The following ADGRF3 variants were observed in gnomAD, a reference collection of about 807,000 sequenced individuals.
The protein encoded by ADGRF3 is G protein-coupled receptor 113.
In ADGRF3, 85 loss-of-function variants were observed where a neutral mutation model predicts 93.2. That is an observed-to-expected ratio of 0.91 (90% CI 0.77 to 1.09). The LOEUF is 1.09. Among genes scored for constraint, ADGRF3 ranks in the 50% least tolerant of loss-of-function variants. The pLI, the probability that ADGRF3 is intolerant of heterozygous loss-of-function variation, is 0.00. For missense variants in ADGRF3, 1,125 were observed against 1,246.2 expected, an observed-to-expected ratio of 0.90 and a Z score of 1.46; for synonymous variants, 534 against 532.5, an observed-to-expected ratio of 1.00 and a Z score of -0.04.
In ADGRF3 at chr2:26,309,347, T is replaced by G. The variant is rs1673828251; in HGVS notation, c.2993+179A>C. The G allele has an allele frequency of 2.0e-6, 3 of 1,479,312 alleles. No individual in the cohort carries two copies. The Admixed American group carries it at 7.1e-5, about 35-fold the overall frequency. The allele number at this position is 1,479,312 out of a possible 1,614,324, so 91.6% of individuals were successfully genotyped here. A position where few individuals can be genotyped will look rare whatever the true frequency, so the allele number is the denominator to read the frequency against. The stretch of plus-strand genomic sequence containing the variant: ...TGCTATGCTTTCTGCTCTCTGACAT[T>G]TCCACCGTCTCCCAGCCATCTAGCA... On this transcript the variant is annotated intron_variant, in intron 13 of 13. Transcript: ENST00000651242.
chr2:26,325,682 A>G (rs1385490450), intron 1 of ADGRF3, among the ~76,000 whole-genome samples: 1 of 152,242 alleles, frequency 6.6e-6, no homozygotes, highest in Non-Finnish European at 1.5e-5. Context: ...AGACCAGGAC[A>G]TTAGAGTGGA....
In ADGRF3 at chr2:26,313,086, C is replaced by T; in HGVS notation, c.1306G>A (p.Val436Met). 6.2e-7 allele frequency: 1 copy of T among 1,613,990 alleles called. No homozygotes were observed. The highest frequency in any genetic ancestry group is 8.5e-7 in the Non-Finnish European group (1 of 1,179,890). ...QAGQGSPAEE[V>M]PQILAQLPGQ... ...GGCAGCTGTGCCAGGATCTGTGGCA[C>T]CTCCTCAGCAGGACTGCCCTGGCCT... The change falls in exon 9 of 14, where the codon GTG (valine) becomes ATG (methionine). Residue 436 changes from valine (V) to methionine (M), a missense_variant. Coordinates refer to ENST00000651242, the MANE Select transcript of ADGRF3 (RefSeq NM_001321971.2).
At chr2:26,331,935 C>T (rs1212217847) in intron 1 of ADGRF3, among the ~76,000 whole-genome samples, 1 of 151,920 alleles carries the variant, frequency 6.6e-6, no homozygotes, top group Non-Finnish European at 1.5e-5. Flanking sequence ...TCTATTTAGT[C>T]CACTTTTTCT....
intron 12 of ADGRF3, 116 bp from the exon 13 acceptor site, chr2:26,309,697 A>T (rs1673877293): frequency 7.1e-7 from 1 of 1,415,316 alleles, no homozygotes; most frequent in African/African-American, 1.4e-5. Flanking sequence ...TGCTGCAGGA[A>T]TCCTAGAAAT....
In ADGRF3 at chr2:26,346,267, T is replaced by G. The variant is rs1171575556; in HGVS notation, c.-33A>C. Reference sequence around the variant, plus strand: ...TACGAATACGTGAGCCCGGAGCAGCTGGCTGGCTTTGATAAGTACAAGGTA... The same window carrying G: ...TACGAATACGTGAGCCCGGAGCAGCGGGCTGGCTTTGATAAGTACAAGGTA... On this transcript the variant is annotated 5_prime_UTR_variant, in exon 1 of 14. Transcript: ENST00000651242. 1.4e-5 allele frequency: 23 copies of G among 1,613,460 alleles called. No homozygotes were observed. The highest frequency in any genetic ancestry group is 1.9e-5 in the Non-Finnish European group (22 of 1,179,596).
chr2:26,330,168 G>A (rs866450820), intron 1 of ADGRF3, among the ~76,000 whole-genome samples: 3 of 152,078 alleles, frequency 2.0e-5, no homozygotes, highest in Admixed American at 6.6e-5. Context: ...AAACCTTTAC[G>A]GTGCTATTCA....
intron 1 of ADGRF3, among the ~76,000 whole-genome samples, chr2:26,328,030 G>C (rs573922260): frequency 6.6e-6 from 1 of 152,244 alleles, no homozygotes; most frequent in East Asian, 1.9e-4. Context: ...CATTATATTA[G>C]GAATGGGATT....
intron 1 of ADGRF3, among the ~76,000 whole-genome samples, chr2:26,331,442 C>T (rs1249154264): frequency 6.6e-6 from 1 of 152,138 alleles, no homozygotes; most frequent in Non-Finnish European, 1.5e-5. Flanking sequence ...CCCAGCTACT[C>T]AGGAGGCTGA....
chr2:26,339,182 C>T lies in ADGRF3; in HGVS notation c.114+6939G>A, dbSNP rs189435152. Among the ~76,000 whole-genome samples the T allele has an allele frequency of 7.0e-4, 101 of 143,844 alleles. No homozygotes were observed. The Middle Eastern group carries it at 0.016, about 23-fold the overall frequency. 94.4% of individuals were successfully genotyped at this position (143,844 alleles called of 152,430 possible). On this transcript the variant is annotated intron_variant, in intron 1 of 13. Coordinates refer to ENST00000651242, the MANE Select transcript of ADGRF3 (RefSeq NM_001321971.2). ...GAAAATGAAGTTGTTACTTTTGTAA[C>T]TGGGTCCCTTAACTTCAAAATGCAT...
intron 1 of ADGRF3, chr2:26,317,890 G>T (rs1353564625): frequency 2.5e-6 from 2 of 791,882 alleles, no homozygotes; most frequent in African/African-American, 3.4e-5. Flanking sequence ...AGCGGAGCTG[G>T]ACATTGCTGG....
At chr2:26,342,387 C>T (rs541572676) in intron 1 of ADGRF3, among the ~76,000 whole-genome samples, 1 of 152,212 alleles carries the variant, frequency 6.6e-6, no homozygotes, top group East Asian at 1.9e-4. Flanking sequence ...CTTTGGAAGA[C>T]CCTGCCCATT....
chr2:26,344,311 T>C (rs1676568946), intron 1 of ADGRF3, among the ~76,000 whole-genome samples: 2 of 152,034 alleles, frequency 1.3e-5, no homozygotes, highest in African/African-American at 4.8e-5. Context: ...ACCCGGTTAG[T>C]TTTTGTATTT....
intron 1 of ADGRF3, chr2:26,318,973 G>T: frequency 4.5e-6 from 7 of 1,551,760 alleles, no homozygotes; most frequent in Non-Finnish European, 6.1e-6. Context: ...TACAGGTTGG[G>T]ATGCTTGGGC....
chr2:26,317,960 A>T, intron 1 of ADGRF3: 1 of 1,343,578 alleles, frequency 7.4e-7, no homozygotes, highest in Non-Finnish European at 1.0e-6. Context: ...CAGGGTGAGC[A>T]GAAGGCAGCC....
chr2:26,311,230 G>C lies in ADGRF3; in HGVS notation c.2294C>G (p.Ser765Cys), dbSNP rs1295805141. 6.2e-7 allele frequency: 1 copy of C among 1,607,744 alleles called. No homozygotes were observed. Among genetic ancestry groups the C allele is most frequent in the South Asian group, 1.1e-5 (1 of 90,234 alleles). Reference sequence around the variant, plus strand: ...GCAGAGCGGGCTTCGGGGCCCTGGAGAGAGGAATGGGGCGCCCAGGAAGCA... The same window carrying C: ...GCAGAGCGGGCTTCGGGGCCCTGGACAGAGGAATGGGGCGCCCAGGAAGCA... ...DTCFLGAPFL[S>C]PGPRSPLCLA... The change falls in exon 10 of 14, where the codon TCT becomes TGT. Residue 765 changes from serine (S) to cysteine (C), a missense_variant. By Grantham distance (112) the Ser-to-Cys change is moderately radical (BLOSUM62 -1). Transcript: ENST00000651242.
chr2:26,314,412 A>G lies in ADGRF3; in HGVS notation c.928+2T>C. 1 of 1,611,366 alleles carries G rather than the reference A, an allele frequency of 6.2e-7. No individual in the cohort carries two copies. Among genetic ancestry groups the G allele is most frequent in the East Asian group, 2.2e-5 (1 of 44,806 alleles). ...CCCCTGACTGCTGGCCCCTTCTCAT[A>G]CCTTTGCTGCCCTCTCCAGGGCTCC... On this transcript the variant is annotated splice_donor_variant, in intron 6 of 13. Coordinates refer to ENST00000651242, the MANE Select transcript of ADGRF3 (RefSeq NM_001321971.2). LOFTEE classifies it high-confidence loss of function.
chr2:26,308,766 T>G lies in ADGRF3; in HGVS notation c.*320A>C, dbSNP rs886835544. On this transcript the variant is annotated 3_prime_UTR_variant, in exon 14 of 14. Transcript: ENST00000651242. ...TATATTCATTCACAACATGTATTGT[T>G]GTAGTTAAAAACTGGTTGAGAAAGT... is the stretch of plus-strand genomic sequence containing the variant. 2 of 361,320 alleles carry G rather than the reference T, an allele frequency of 5.5e-6. No individual in the cohort carries two copies. The highest frequency in any genetic ancestry group is 1.0e-5 in the Non-Finnish European group (2 of 199,532). 22.4% of individuals were successfully genotyped at this position (361,320 alleles called of 1,614,324 possible). A position where few individuals can be genotyped will look rare whatever the true frequency, so the allele number is the denominator to read the frequency against.
chr2:26,308,950 G>A lies in ADGRF3; in HGVS notation c.*136C>T. The A allele has an allele frequency of 8.7e-7, 1 of 1,146,152 alleles. No individual in the cohort carries two copies. Among genetic ancestry groups the A allele is most frequent in the Non-Finnish European group, 1.3e-6 (1 of 768,344 alleles). 71.0% of individuals were successfully genotyped at this position (1,146,152 alleles called of 1,614,324 possible). On this transcript the variant is annotated 3_prime_UTR_variant, in exon 14 of 14. Coordinates refer to ENST00000651242, the MANE Select transcript of ADGRF3 (RefSeq NM_001321971.2). ...TGTAAGATAAATGAGTGTCACTAAGGGAAATATAAGCCTGCCTTTCTCAAG... is the reference window on the plus strand; with the variant it reads ...TGTAAGATAAATGAGTGTCACTAAGAGAAATATAAGCCTGCCTTTCTCAAG...
intron 1 of ADGRF3, among the ~76,000 whole-genome samples, chr2:26,328,455 T>G (rs1448447877): frequency 2.3e-5 from 1 of 43,904 alleles, no homozygotes. Flanking sequence ...GCCTTTTTAG[T>G]TTTTTTTTTT....
Sources: allele counts gnomAD v4.1 joint callset (sites outside exome capture counted in the v4.1 genomes callset), GRCh38; gene constraint gnomAD v4.1.1; transcripts MANE v1.5; gene names NCBI Gene and HGNC (gene_info 2026-07-23, HGNC 2026-07-21).